SUFU: variants seen among roughly 807,000 people sequenced by gnomAD.
The protein encoded by SUFU is SUFU negative regulator of hedgehog signaling.
Under a neutral mutation model 58.9 loss-of-function variants are expected in SUFU, and 7 were observed. The observed-to-expected ratio is 0.12, with a 90% CI of 0.07 to 0.22. The LOEUF (loss-of-function observed/expected upper bound fraction) is 0.22, where lower values mean the gene tolerates loss of function less well. Ranked by LOEUF, SUFU falls within the 10% of genes least tolerant of loss-of-function variation. The pLI is 1.00. For synonymous variants in SUFU, 232 were observed against 254.8 expected, an observed-to-expected ratio of 0.91 and a Z score of 0.85; for missense variants, 451 against 641.3, an observed-to-expected ratio of 0.70 and a Z score of 3.20.
intron 3 of SUFU, among the ~76,000 whole-genome samples, chr10:102,583,480 C>T (rs1445037935): frequency 6.6e-6 from 1 of 152,226 alleles, no homozygotes; most frequent in Non-Finnish European, 1.5e-5. Context: ...TAGAGTCTCC[C>T]TTTCCCAGCT....
intron 3 of SUFU, among the ~76,000 whole-genome samples, chr10:102,557,848 C>T (rs2062997199): frequency 6.6e-6 from 1 of 152,000 alleles, no homozygotes; most frequent in Admixed American, 6.6e-5. Context: ...AGTTTGTAGT[C>T]CCAGCAGGCA....
At chr10:102,577,169 C>T (rs1398120804) in intron 3 of SUFU, among the ~76,000 whole-genome samples, 7 of 150,018 alleles carry the variant, frequency 4.7e-5, no homozygotes, top group African/African-American at 1.2e-4. Context: ...CTGCAACCTC[C>T]GCCTCCCAGG....
intron 3 of SUFU, 112 bp from the exon 4 acceptor site, chr10:102,592,470 C>A: frequency 8.1e-7 from 1 of 1,231,498 alleles, no homozygotes; most frequent in Non-Finnish European, 1.2e-6. Flanking sequence ...TTCACAGGGG[C>A]TACCCTAAGA....
At chr10:102,503,113 A>G (rs2062271879), upstream of SUFU, among the ~76,000 whole-genome samples, 1 of 152,192 alleles carries the variant, frequency 6.6e-6, no homozygotes, top group Non-Finnish European at 1.5e-5. Context: ...TAAGGTTCTC[A>G]TGTTTTTATT....
At position 102,550,147 on chromosome 10, in the gene SUFU, A is replaced by G. The variant is rs779369651; in HGVS notation, c.454+41A>G. 3.1e-6 allele frequency: 5 copies of G among 1,613,612 alleles called. No individual in the cohort carries two copies. In the East Asian group the frequency reaches 6.7e-5, roughly 22 times the overall value. On this transcript the variant is annotated intron_variant, in intron 3 of 11. Coordinates refer to ENST00000369902, the MANE Select transcript of SUFU (RefSeq NM_016169.4). Reference sequence around the variant, plus strand: ...TGGCTGCTGTGCTGGTCCTTTTGCCATGAGCCTGGTTGACTTTGAGTACTA... The same window carrying G: ...TGGCTGCTGTGCTGGTCCTTTTGCCGTGAGCCTGGTTGACTTTGAGTACTA...
intron 8 of SUFU, among the ~76,000 whole-genome samples, chr10:102,608,201 G>A (rs2063581923): frequency 6.6e-6 from 1 of 151,300 alleles, no homozygotes; most frequent in African/African-American, 2.4e-5. Context: ...TCCAGCCTGG[G>A]CAACAGAGCG....
chr10:102,606,237 G>A (rs2063561508), intron 8 of SUFU, among the ~76,000 whole-genome samples: 2 of 152,206 alleles, frequency 1.3e-5, no homozygotes, highest in African/African-American at 4.8e-5. Context: ...ACCTTATGCA[G>A]TGAGAAATAC....
chr10:102,554,232 G>A (rs565340586), intron 3 of SUFU, among the ~76,000 whole-genome samples: 5 of 152,188 alleles, frequency 3.3e-5, no homozygotes, highest in East Asian at 3.9e-4. Context: ...GTGAAACCTC[G>A]TCTCTACTAA....
chr10:102,529,838 G>A (rs755366889), intron 2 of SUFU, among the ~76,000 whole-genome samples: 1 of 151,818 alleles, frequency 6.6e-6, no homozygotes, highest in Non-Finnish European at 1.5e-5. Flanking sequence ...CCAGCTACTC[G>A]GGAGGCTGAG....
At chr10:102,515,555 A>G (rs1181298724) in intron 2 of SUFU, among the ~76,000 whole-genome samples, 1 of 152,034 alleles carries the variant, frequency 6.6e-6, no homozygotes, top group Admixed American at 6.6e-5. Flanking sequence ...ACCTCAGGTG[A>G]TCCACCCACC....
At chr10:102,552,069 TCAACTATGTAGC>T (rs1397975184) in intron 3 of SUFU, among the ~76,000 whole-genome samples, 8 of 152,070 alleles carry the variant, frequency 5.3e-5, no homozygotes, top group Non-Finnish European at 8.8e-5. Context: ...GTATGTAACA[TCAACTATGTAGC>T]ATTTTCCCAA....
At chr10:102,566,176 G>A (rs1278914801) in intron 3 of SUFU, among the ~76,000 whole-genome samples, 1 of 152,234 alleles carries the variant, frequency 6.6e-6, no homozygotes, top group Non-Finnish European at 1.5e-5. Context: ...CAAATGGCAG[G>A]TTGCCTGGGT....
At chr10:102,568,001 C>T (rs1170875361) in intron 3 of SUFU, among the ~76,000 whole-genome samples, 1 of 152,100 alleles carries the variant, frequency 6.6e-6, no homozygotes, top group Non-Finnish European at 1.5e-5. Flanking sequence ...ACAGGAAAAC[C>T]TTGTCCTTTG....
intron 3 of SUFU, among the ~76,000 whole-genome samples, chr10:102,582,822 T>C (rs1339066186): frequency 3.9e-5 from 6 of 152,244 alleles, no homozygotes; most frequent in African/African-American, 1.4e-4. Flanking sequence ...GAATAGAAAG[T>C]GTCTACCCAG....
At chr10:102,565,792 C>T (rs1188120655) in intron 3 of SUFU, among the ~76,000 whole-genome samples, 1 of 152,114 alleles carries the variant, frequency 6.6e-6, no homozygotes, top group Non-Finnish European at 1.5e-5. Flanking sequence ...GTGATCTACC[C>T]GCCTCGGCCT....
At chr10:102,610,383 ACT>A (rs1231211628) in intron 8 of SUFU, among the ~76,000 whole-genome samples, 1 of 64,194 alleles carries the variant, frequency 1.6e-5, no homozygotes, top group African/African-American at 6.6e-5. Context: ...TCGCAGCAAG[ACT>A]CTGTCTCAAA....
intron 2 of SUFU, among the ~76,000 whole-genome samples, chr10:102,527,905 G>A (rs1238552659): frequency 6.6e-6 from 1 of 152,202 alleles, no homozygotes; most frequent in Non-Finnish European, 1.5e-5. Context: ...AAGTCCCCAA[G>A]CTGCATACTT....
chr10:102,568,399 CTT>C (rs1325629019), intron 3 of SUFU, among the ~76,000 whole-genome samples: 1 of 152,050 alleles, frequency 6.6e-6, no homozygotes, highest in Non-Finnish European at 1.5e-5. Flanking sequence ...TACTTTGTAA[CTT>C]AAATAAATAT....
chr10:102,584,652 G>T (rs2063318261), intron 3 of SUFU, among the ~76,000 whole-genome samples: 1 of 152,146 alleles, frequency 6.6e-6, no homozygotes, highest in South Asian at 2.1e-4. Context: ...GTTACCACTT[G>T]AGGTAAGCAA....
Sources: gnomAD v4.1 joint callset for allele counts (sites outside exome capture counted in the v4.1 genomes callset) on GRCh38, gnomAD v4.1.1 for gene constraint, MANE v1.5 for transcripts, NCBI Gene and HGNC (gene_info 2026-07-23, HGNC 2026-07-21) for gene names.